The following KLF12 variants were observed in gnomAD, a reference collection of about 807,000 sequenced individuals.
KLF12 encodes the protein Krueppel-like factor 12.
KLF12 carries 9 observed loss-of-function variants against 37.8 expected under a neutral mutation model. The observed-to-expected ratio is 0.24, with a 90% CI of 0.14 to 0.42. The LOEUF (loss-of-function observed/expected upper bound fraction) is 0.42. KLF12 is among the 10% of genes least tolerant of loss of function. The pLI is 1.00. For missense variants in KLF12, 411 were observed against 516.0 expected, an observed-to-expected ratio of 0.80 and a Z score of 1.97; for synonymous variants, 208 against 202.1, an observed-to-expected ratio of 1.03 and a Z score of -0.25.
intron 1 of KLF12, among the ~76,000 whole-genome samples, chr13:74,094,845 C>G (rs1433595950): frequency 6.6e-6 from 1 of 152,200 alleles, no homozygotes; most frequent in Non-Finnish European, 1.5e-5. Context: ...AGTGATCCAC[C>G]CACCTCAGCC....
At chr13:73,850,519 T>C (rs540138228) in intron 3 of KLF12, among the ~76,000 whole-genome samples, 1 of 152,348 alleles carries the variant, frequency 6.6e-6, no homozygotes, top group East Asian at 1.9e-4. Context: ...GTCGTATATT[T>C]TAATCACCTG....
At chr13:74,032,938 A>C (rs1893151242) in intron 1 of KLF12, among the ~76,000 whole-genome samples, 1 of 152,184 alleles carries the variant, frequency 6.6e-6, no homozygotes, top group South Asian at 2.1e-4. Context: ...TTATTCTTTA[A>C]AACTCCATTT....
chr13:74,299,822 G>A, the KLF12 span, among the ~76,000 whole-genome samples: 1 of 152,070 alleles, frequency 6.6e-6, no homozygotes, highest in Non-Finnish European at 1.5e-5. Context: ...GCCAATGGAG[G>A]GCCCAAGCAG....
the KLF12 span, among the ~76,000 whole-genome samples, chr13:74,163,392 T>C: frequency 2.0e-5 from 3 of 152,194 alleles, no homozygotes; most frequent in Admixed American, 2.0e-4. Flanking sequence ...GAAGTACTAT[T>C]CAGCCATAAG....
chr13:73,886,767 G>A (rs953937076), intron 3 of KLF12, among the ~76,000 whole-genome samples: 3 of 152,096 alleles, frequency 2.0e-5, no homozygotes, highest in South Asian at 2.1e-4. Context: ...CGAGGCGAGC[G>A]GATCACCTGA....
chr13:73,867,331 G>C (rs1445587217), intron 3 of KLF12, among the ~76,000 whole-genome samples: 1 of 151,486 alleles, frequency 6.6e-6, no homozygotes, highest in East Asian at 1.9e-4. Flanking sequence ...ATAATTACTA[G>C]AAACTAAAAA....
At chr13:73,920,694 C>T (rs61564861) in intron 3 of KLF12, among the ~76,000 whole-genome samples, 2 of 152,034 alleles carry the variant, frequency 1.3e-5, no homozygotes, top group South Asian at 2.1e-4. Context: ...CTAAAAGTTA[C>T]GTCAAACACA....
intron 2 of KLF12, among the ~76,000 whole-genome samples, chr13:73,981,186 A>C (rs1412618130): frequency 6.6e-6 from 1 of 152,140 alleles, no homozygotes; most frequent in Non-Finnish European, 1.5e-5. Flanking sequence ...ACAAAAAACT[A>C]TTGCAACTAC....
chr13:74,038,990 A>AT (rs1278404505), intron 1 of KLF12, among the ~76,000 whole-genome samples: 2 of 151,772 alleles, frequency 1.3e-5, no homozygotes, highest in Admixed American at 1.3e-4. Context: ...AGCCATTACT[A>AT]TTTTTTTAAT....
the KLF12 span, among the ~76,000 whole-genome samples, chr13:74,185,403 A>G: frequency 6.6e-6 from 1 of 152,156 alleles, no homozygotes; most frequent in Admixed American, 6.5e-5. Context: ...TTCATCAACA[A>G]CTATTTCAGT....
chr13:74,265,432 C>T, the KLF12 span, among the ~76,000 whole-genome samples: 1 of 152,156 alleles, frequency 6.6e-6, no homozygotes, highest in Non-Finnish European at 1.5e-5. Context: ...CCCCATGTCT[C>T]AGGATGAAGC....
At chr13:73,951,660 G>C (rs1227952351) in intron 2 of KLF12, among the ~76,000 whole-genome samples, 1 of 152,170 alleles carries the variant, frequency 6.6e-6, no homozygotes, top group Non-Finnish European at 1.5e-5. Context: ...GGAGAGGAGA[G>C]CTCTAAGCTC....
chr13:74,256,228 C>T, the KLF12 span, among the ~76,000 whole-genome samples: 7 of 151,362 alleles, frequency 4.6e-5, no homozygotes, highest in South Asian at 2.1e-4. Context: ...TCTCTGATAT[C>T]GGCTAACACT....
chr13:73,770,216 C>T (rs1319425529), intron 5 of KLF12, among the ~76,000 whole-genome samples: 1 of 152,110 alleles, frequency 6.6e-6, no homozygotes, highest in Admixed American at 6.6e-5. Flanking sequence ...GTATTGCTTT[C>T]TTCTTACACT....
chr13:74,147,966 C>T, the KLF12 span, among the ~76,000 whole-genome samples: 3 of 151,806 alleles, frequency 2.0e-5, no homozygotes, highest in South Asian at 6.2e-4. Flanking sequence ...GGCTGGAGTG[C>T]TGTGGGATGA....
At chr13:74,028,353 GA>G (rs1893029887) in intron 1 of KLF12, among the ~76,000 whole-genome samples, 1 of 152,060 alleles carries the variant, frequency 6.6e-6, no homozygotes, top group African/African-American at 2.4e-5. Context: ...CTACATTTAA[GA>G]AAAATGGAAA....
the KLF12 span, among the ~76,000 whole-genome samples, chr13:74,172,139 C>T: frequency 1.6e-4 from 3 of 18,838 alleles, no homozygotes; most frequent in Non-Finnish European, 4.8e-4. Context: ...TTATTTTCCT[C>T]ACGACACACA....
At chr13:73,721,816 G>A (rs1876284952) in intron 6 of KLF12, among the ~76,000 whole-genome samples, 2 of 151,902 alleles carry the variant, frequency 1.3e-5, no homozygotes, top group Admixed American at 1.3e-4. Flanking sequence ...GCGTCCCAGT[G>A]TTGGGATTAT....
intron 5 of KLF12, among the ~76,000 whole-genome samples, chr13:73,778,377 T>G (rs1201828075): frequency 6.6e-6 from 1 of 152,108 alleles, no homozygotes; most frequent in African/African-American, 2.4e-5. Flanking sequence ...AGTCAGGGTC[T>G]CCCTCTGTAT....
Sources: allele counts gnomAD v4.1 joint callset (sites outside exome capture counted in the v4.1 genomes callset), GRCh38; gene constraint gnomAD v4.1.1; transcripts MANE v1.5; gene names NCBI Gene and HGNC (gene_info 2026-07-23, HGNC 2026-07-21).